ASCL5: variants seen among roughly 807,000 people sequenced by gnomAD.
The protein encoded by ASCL5 is achaete-scute homolog 5.
For synonymous variants in ASCL5, 124 were observed against 131.5 expected, an observed-to-expected ratio of 0.94 and a Z score of 0.39; for missense variants, 262 against 268.9, an observed-to-expected ratio of 0.97 and a Z score of 0.18.
Position 201,114,232 on chromosome 1 carries a change from C to G in ASCL5, c.*520G>C, listed in dbSNP as rs1429965094. 6.6e-6 allele frequency: 1 copy of G among 152,354 alleles called. No homozygotes were observed. The highest frequency in any genetic ancestry group is 1.5e-5 in the Non-Finnish European group (1 of 68,146). The allele number at this position is 152,354 out of a possible 1,614,324, so 9.4% of individuals were successfully genotyped here. A position where few individuals can be genotyped will look rare whatever the true frequency, so the allele number is the denominator to read the frequency against. On this transcript the variant is annotated 3_prime_UTR_variant, in exon 2 of 2. Transcript: ENST00000449188. The stretch of plus-strand genomic sequence containing the variant: ...TGAGCGCCAGCAGCAATCTGGCCTC[C>G]CATCCCTTCCTCTGGGTTCCTTTCT...
rs1663317389 is a variant in ASCL5, at chr1:201,115,325, C to G, written c.48G>C (p.Gly16=). The change falls in exon 2 of 2, where the codon GGG becomes GGC. Residue 16 remains glycine (G), a synonymous_variant. Transcript: ENST00000449188. The stretch of plus-strand genomic sequence containing the variant: ...CGCCCAGCTGCATGCAGCTGGGGGG[C>G]CCCAGAGGCCTCCGGTCCACCAGAG... The part of the protein sequence containing the change: ...CRALVDRRPL[G]PPSCMQLGVM... The G allele has an allele frequency of 1.6e-6, 2 of 1,231,008 alleles. No individual in the cohort carries two copies. Among genetic ancestry groups the G allele is most frequent in the Non-Finnish European group, 1.0e-6 (1 of 987,520 alleles). The allele number at this position is 1,231,008 out of a possible 1,614,324, so 76.3% of individuals were successfully genotyped here. A position where few individuals can be genotyped will look rare whatever the true frequency, so the allele number is the denominator to read the frequency against.
At position 201,115,386 on chromosome 1, in the gene ASCL5, G is replaced by A. The variant is rs1308762551; in HGVS notation, c.-14C>T. 8.1e-7 allele frequency: 1 copy of A among 1,231,496 alleles called. No homozygotes were observed. Among genetic ancestry groups the A allele is most frequent in the Non-Finnish European group, 1.0e-6 (1 of 987,790 alleles). The allele number at this position is 1,231,496 out of a possible 1,614,324, so 76.3% of individuals were successfully genotyped here. ...GTTATTGTTCATGGTGCCGCGTGGAGCTGGACCCAGAGCGAGGCCTCCACC... is the reference window on the plus strand; with the variant it reads ...GTTATTGTTCATGGTGCCGCGTGGAACTGGACCCAGAGCGAGGCCTCCACC... On this transcript the variant is annotated 5_prime_UTR_variant, in exon 2 of 2. Transcript: ENST00000449188.
At chr1:201,125,039 G>A (rs948766006) in intron 1 of ASCL5, among the ~76,000 whole-genome samples, 1 of 152,218 alleles carries the variant, frequency 6.6e-6, no homozygotes, top group East Asian at 1.9e-4. Flanking sequence ...CTTGTCATAC[G>A]TTGGCTTACG....
chr1:201,116,918 G>A (rs778306852), intron 1 of ASCL5, among the ~76,000 whole-genome samples: 9 of 152,116 alleles, frequency 5.9e-5, no homozygotes, highest in Admixed American at 1.3e-4. Context: ...TTGGCCACTG[G>A]GCACGGCCTC....
In ASCL5 at chr1:201,114,570, C is replaced by T; in HGVS notation, c.*182G>A. 2.1e-6 allele frequency: 1 copy of T among 468,920 alleles called. No homozygotes were observed. Among genetic ancestry groups the T allele is most frequent in the Non-Finnish European group, 3.4e-6 (1 of 295,194 alleles). 29.0% of individuals were successfully genotyped at this position (468,920 alleles called of 1,614,324 possible). A position where few individuals can be genotyped will look rare whatever the true frequency, so the allele number is the denominator to read the frequency against. ...TCTATCGTGCCCATCGTACCCGCTGCCCTGCACTTCCGCCCCAAGCTGGTG... is the reference window on the plus strand; with the variant it reads ...TCTATCGTGCCCATCGTACCCGCTGTCCTGCACTTCCGCCCCAAGCTGGTG... On this transcript the variant is annotated 3_prime_UTR_variant, in exon 2 of 2. Transcript: ENST00000449188.
chr1:201,118,203 GGC>G (rs1663382584), intron 1 of ASCL5, among the ~76,000 whole-genome samples: 1 of 152,212 alleles, frequency 6.6e-6, no homozygotes, highest in African/African-American at 2.4e-5. Flanking sequence ...TGATAAGCCA[GGC>G]GAGGTGGCTC....
At chr1:201,117,351 G>A (rs776982662) in intron 1 of ASCL5, among the ~76,000 whole-genome samples, 2 of 151,996 alleles carry the variant, frequency 1.3e-5, no homozygotes, top group Non-Finnish European at 2.9e-5. Flanking sequence ...CAGAAGAATC[G>A]CCTGAACCTG....
chr1:201,126,119 C>T (rs1334447216), intron 1 of ASCL5, among the ~76,000 whole-genome samples: 2 of 150,996 alleles, frequency 1.3e-5, no homozygotes, highest in East Asian at 3.9e-4. Flanking sequence ...TTCAAGTTCC[C>T]TTAGCTCTTT....
chr1:201,120,383 C>T (rs1391550957), intron 1 of ASCL5, among the ~76,000 whole-genome samples: 1 of 152,094 alleles, frequency 6.6e-6, no homozygotes, highest in Non-Finnish European at 1.5e-5. Flanking sequence ...TCATCCCCTG[C>T]CCATCTCTCC....
At chr1:201,122,221 T>G (rs1663498190) in intron 1 of ASCL5, among the ~76,000 whole-genome samples, 1 of 152,186 alleles carries the variant, frequency 6.6e-6, no homozygotes, top group African/African-American at 2.4e-5. Context: ...CACGCTGCCC[T>G]CCACGCCATC....
intron 1 of ASCL5, among the ~76,000 whole-genome samples, chr1:201,122,085 G>T (rs1033788264): frequency 1.3e-5 from 2 of 152,210 alleles, no homozygotes; most frequent in African/African-American, 4.8e-5. Flanking sequence ...ACCTTGCTGG[G>T]TTAGAAAATG....
intron 1 of ASCL5, among the ~76,000 whole-genome samples, chr1:201,117,994 G>C (rs1301462256): frequency 6.6e-6 from 1 of 152,164 alleles, no homozygotes; most frequent in African/African-American, 2.4e-5. Context: ...TTTGATAGGG[G>C]TCAGAAGTTT....
chr1:201,114,670 G>T lies in ASCL5; in HGVS notation c.*82C>A. The stretch of plus-strand genomic sequence containing the variant: ...CACCGTCCTGCGGCGCATCGCGGGT[G>T]ACCCAACAGCCTCCCGCTGCTCCCG... On this transcript the variant is annotated 3_prime_UTR_variant, in exon 2 of 2. Coordinates refer to ENST00000449188, the MANE Select transcript of ASCL5 (RefSeq NM_001270601.2). 2 of 1,174,026 alleles carry T rather than the reference G, an allele frequency of 1.7e-6. No homozygotes were observed. Among genetic ancestry groups the T allele is most frequent in the South Asian group, 4.3e-5 (1 of 23,108 alleles). The allele number at this position is 1,174,026 out of a possible 1,614,324, so 72.7% of individuals were successfully genotyped here. A position where few individuals can be genotyped will look rare whatever the true frequency, so the allele number is the denominator to read the frequency against.
At chr1:201,122,135 C>T (rs1275245444) in intron 1 of ASCL5, among the ~76,000 whole-genome samples, 1 of 152,170 alleles carries the variant, frequency 6.6e-6, no homozygotes, top group Non-Finnish European at 1.5e-5. Context: ...AGGCGGGATT[C>T]CAGCCCCACT....
At chr1:201,123,850 C>G (rs1015267071) in intron 1 of ASCL5, among the ~76,000 whole-genome samples, 10 of 152,186 alleles carry the variant, frequency 6.6e-5, no homozygotes, top group African/African-American at 2.4e-4. Flanking sequence ...TAAAACTGCT[C>G]CGTACTTTGC....
rs1572083437 is a variant in ASCL5 at position 201,115,189 on chromosome 1, C to A, written c.184G>T (p.Gly62Trp). The A allele has an allele frequency of 1.6e-6, 2 of 1,231,652 alleles. No homozygotes were observed. Among genetic ancestry groups the A allele is most frequent in the East Asian group, 6.3e-5 (2 of 31,658 alleles). 76.3% of individuals were successfully genotyped at this position (1,231,652 alleles called of 1,614,324 possible). A position where few individuals can be genotyped will look rare whatever the true frequency, so the allele number is the denominator to read the frequency against. The change falls in exon 2 of 2, where the codon GGG (glycine) becomes TGG (tryptophan). Residue 62 changes from glycine (G) to tryptophan (W), a missense_variant. Gly to Trp is a radical substitution (Grantham distance 184, BLOSUM62 -2). Coordinates refer to ENST00000449188, the MANE Select transcript of ASCL5 (RefSeq NM_001270601.2). ...AEPPYYDAYA[G>W]VFPYVPFPGA... ...GGGAAGGGCACGTAGGGGAACACCC[C>A]CGCATAGGCGTCGTAGTAGGGCGGC...
rs1663301636 is a variant in ASCL5, at chr1:201,114,865, C to T, written c.508G>A (p.Asp170Asn). Residue 170 changes from aspartate (D) to asparagine (N), a missense_variant, in exon 2 of 2, where the codon GAC becomes AAC. Coordinates refer to ENST00000449188, the MANE Select transcript of ASCL5 (RefSeq NM_001270601.2). ...CGGGCCTCGCCGTCGCCAGGGCGGT[C>T]GGGACGGGGGGTGGCGGGCGGCGCG... Reference protein sequence around the residue: ...CPAPPATPRPDRPGDGEARAP... With the variant: ...CPAPPATPRPNRPGDGEARAP... The T allele has an allele frequency of 4.6e-6, 4 of 875,658 alleles. No individual in the cohort carries two copies. Among genetic ancestry groups the T allele is most frequent in the Non-Finnish European group, 5.7e-6 (4 of 706,216 alleles). 54.2% of individuals were successfully genotyped at this position (875,658 alleles called of 1,614,324 possible). A position where few individuals can be genotyped will look rare whatever the true frequency, so the allele number is the denominator to read the frequency against.
intron 1 of ASCL5, among the ~76,000 whole-genome samples, chr1:201,125,086 A>C (rs1663555400): frequency 6.6e-6 from 1 of 152,216 alleles, no homozygotes; most frequent in Non-Finnish European, 1.5e-5. Flanking sequence ...GTGTCTGAGA[A>C]TCCTGGCTTT....
intron 1 of ASCL5, among the ~76,000 whole-genome samples, chr1:201,124,565 C>A (rs1663544844): frequency 6.6e-6 from 1 of 152,128 alleles, no homozygotes; most frequent in Non-Finnish European, 1.5e-5. Flanking sequence ...GGAAAAAAAG[C>A]CCTTAGGGGC....
Sources: gnomAD v4.1 joint callset for allele counts (sites outside exome capture counted in the v4.1 genomes callset) on GRCh38, gnomAD v4.1.1 for gene constraint, MANE v1.5 for transcripts, NCBI Gene and HGNC (gene_info 2026-07-23, HGNC 2026-07-21) for gene names.